The following NF1 variants were observed in gnomAD, a reference collection of about 807,000 sequenced individuals.
NF1 encodes the protein neurofibromin 1, also known as neurofibromin.
Under a neutral mutation model 325.7 loss-of-function variants are expected in NF1, and 122 were observed. The observed-to-expected ratio is 0.37, with a 90% CI of 0.32 to 0.44. The LOEUF is 0.44. NF1 is among the 20% of genes least tolerant of loss of function. NF1 has a pLI of 1.00. For synonymous variants in NF1, 1,091 were observed against 1,186.0 expected, an observed-to-expected ratio of 0.92 and a Z score of 1.65; for missense variants, 2,140 against 3,415.4, an observed-to-expected ratio of 0.63 and a Z score of 9.31.
chr17:31,375,441 T>C lies in NF1; in HGVS notation c.*1286T>C, dbSNP rs954400606. 8.6e-6 allele frequency: 2 copies of C among 231,778 alleles called. No homozygotes were observed. Among genetic ancestry groups the C allele is most frequent in the African/African-American group, 4.4e-5 (2 of 45,278 alleles). The allele number at this position is 231,778 out of a possible 1,614,324, so 14.4% of individuals were successfully genotyped here. A position where few individuals can be genotyped will look rare whatever the true frequency, so the allele number is the denominator to read the frequency against. ...ACTGGTGGTATGGATTATCATGGCA[T>C]TGGAATTTTCATAGTAATGCAGATC... On this transcript the variant is annotated 3_prime_UTR_variant, in exon 58 of 58. Transcript: ENST00000358273.
chr17:31,289,131 T>C (rs575357954), intron 36 of NF1, among the ~76,000 whole-genome samples: 7 of 152,062 alleles, frequency 4.6e-5, no homozygotes, highest in African/African-American at 1.7e-4. Context: ...ATCAAAAGGA[T>C]GAGTAGGGTT....
intron 36 of NF1, among the ~76,000 whole-genome samples, chr17:31,281,530 C>G (rs2068117913): frequency 6.6e-6 from 1 of 152,122 alleles, no homozygotes; most frequent in Non-Finnish European, 1.5e-5. Context: ...GCTTTAAACT[C>G]TACTTGGTGC....
chr17:31,298,855 T>A (rs2068518334), intron 36 of NF1, among the ~76,000 whole-genome samples: 1 of 152,112 alleles, frequency 6.6e-6, no homozygotes, highest in Non-Finnish European at 1.5e-5. Context: ...TGAGGGTCAA[T>A]TTACCGACCA....
intron 1 of NF1, among the ~76,000 whole-genome samples, chr17:31,148,091 A>G (rs1429364990): frequency 6.6e-6 from 1 of 152,142 alleles, no homozygotes; most frequent in East Asian, 1.9e-4. Flanking sequence ...GCTAATCCCT[A>G]TTCCTTCAGT....
intron 36 of NF1, chr17:31,296,231 T>C (rs756731443): frequency 6.2e-7 from 1 of 1,614,136 alleles, no homozygotes; most frequent in Non-Finnish European, 8.5e-7. Context: ...CCTGTGCCTC[T>C]CTGTGCATAT....
chr17:31,313,705 CAA>C (rs371438778), intron 36 of NF1, among the ~76,000 whole-genome samples: 13 of 112,600 alleles, frequency 1.2e-4, no homozygotes, highest in East Asian at 2.5e-4. Context: ...GACTCTATCT[CAA>C]AAAAAAAAAA....
At chr17:31,231,496 C>T (rs1238063362) in intron 24 of NF1, among the ~76,000 whole-genome samples, 1 of 152,118 alleles carries the variant, frequency 6.6e-6, no homozygotes, top group East Asian at 1.9e-4. Flanking sequence ...AACCCCTGCC[C>T]ACATCTTACT....
intron 36 of NF1, among the ~76,000 whole-genome samples, chr17:31,289,446 C>T (rs1463111442): frequency 1.3e-5 from 2 of 152,162 alleles, no homozygotes; most frequent in Non-Finnish European, 2.9e-5. Context: ...CCTAGACAAA[C>T]ATTTCAGTAG....
At chr17:31,112,214 T>C (rs1913478018) in intron 1 of NF1, among the ~76,000 whole-genome samples, 1 of 152,152 alleles carries the variant, frequency 6.6e-6, no homozygotes, top group Admixed American at 6.5e-5. Flanking sequence ...CAACTCAAAT[T>C]TTCACCATTA....
At chr17:31,364,033 G>A (rs902406960) in intron 57 of NF1, among the ~76,000 whole-genome samples, 8 of 152,132 alleles carry the variant, frequency 5.3e-5, no homozygotes, top group African/African-American at 1.7e-4. Flanking sequence ...GAGCCACGGC[G>A]CTCAGCCATC....
intron 29 of NF1, among the ~76,000 whole-genome samples, chr17:31,243,184 C>CTCTGTGTGTGTGTGTGTGTGTG (rs1555616439): frequency 7.3e-6 from 1 of 137,476 alleles, no homozygotes; most frequent in South Asian, 2.3e-4. Flanking sequence ...CTCTCTCTGT[C>CTCTGTGTGTGTGTGTGTGTGTG]TGTGTGTGTG....
intron 3 of NF1, among the ~76,000 whole-genome samples, chr17:31,160,526 G>A (rs577629301): frequency 1.5e-4 from 23 of 152,272 alleles, no homozygotes; most frequent in Non-Finnish European, 2.8e-4. Flanking sequence ...CTTGTGATAT[G>A]CTATTGTTCA....
intron 29 of NF1, among the ~76,000 whole-genome samples, chr17:31,246,244 A>AC (rs1193334192): frequency 6.6e-6 from 1 of 152,170 alleles, no homozygotes; most frequent in Non-Finnish European, 1.5e-5. Flanking sequence ...TACCTGCCGC[A>AC]CCTACTTTCT....
chr17:31,102,711 G>A (rs182915588), intron 1 of NF1, among the ~76,000 whole-genome samples: 68 of 151,440 alleles, frequency 4.5e-4, no homozygotes, highest in Non-Finnish European at 7.1e-4. Context: ...CTCCAGCTTC[G>A]GTGACAGAGT....
At chr17:31,172,078 G>A (rs2065935933) in intron 5 of NF1, among the ~76,000 whole-genome samples, 1 of 152,144 alleles carries the variant, frequency 6.6e-6, no homozygotes. Flanking sequence ...GCCAGGCCTG[G>A]TGGCTCACAC....
At chr17:31,318,342 T>A (rs1363789089) in intron 36 of NF1, 1 of 1,610,970 alleles carries the variant, frequency 6.2e-7, no homozygotes, top group East Asian at 2.2e-5. Flanking sequence ...CAGTTCCTTC[T>A]TCATCTTTTC....
At chr17:31,262,130 C>G (rs1370158063) in intron 35 of NF1, among the ~76,000 whole-genome samples, 1 of 152,066 alleles carries the variant, frequency 6.6e-6, no homozygotes, top group Non-Finnish European at 1.5e-5. Flanking sequence ...GGAGTGAAGA[C>G]AACATTATTT....
At chr17:31,199,869 C>G (rs1043732972) in intron 8 of NF1, among the ~76,000 whole-genome samples, 3 of 152,124 alleles carry the variant, frequency 2.0e-5, no homozygotes, top group Non-Finnish European at 4.4e-5. Flanking sequence ...GGTGTGGTGG[C>G]TCATGCCTGT....
chr17:31,377,353 T>A lies in NF1; in HGVS notation c.*3198T>A, dbSNP rs2070746444. On this transcript the variant is annotated 3_prime_UTR_variant, in exon 58 of 58. Transcript: ENST00000358273. ...AAATTTGATTATTCTCGTGTTAGTA[T>A]TGTTAACTTCTTTTTGCGACTGCGT... The A allele has an allele frequency of 4.3e-6, 1 of 233,444 alleles. No individual in the cohort carries two copies. The highest frequency in any genetic ancestry group is 8.5e-6 in the Non-Finnish European group (1 of 117,960). The allele number at this position is 233,444 out of a possible 1,614,324, so 14.5% of individuals were successfully genotyped here. A position where few individuals can be genotyped will look rare whatever the true frequency, so the allele number is the denominator to read the frequency against.
Sources: allele counts gnomAD v4.1 joint callset (sites outside exome capture counted in the v4.1 genomes callset), GRCh38; gene constraint gnomAD v4.1.1; transcripts MANE v1.5; gene names NCBI Gene and HGNC (gene_info 2026-07-23, HGNC 2026-07-21).